Variants in MAP3K5 observed in about 807,000 individuals in gnomAD.
The protein encoded by MAP3K5 is mitogen-activated protein kinase kinase kinase 5, also known as ASK-1.
In MAP3K5, 56 loss-of-function variants were observed where a neutral mutation model predicts 158.7. The ratio of observed to expected loss-of-function variants is 0.35; its 90% CI spans 0.28 to 0.44. The LOEUF is 0.44. Among genes scored for constraint, MAP3K5 ranks in the 20% least tolerant of loss-of-function variants. The probability of loss-of-function intolerance (pLI) is 1.00; values close to 1 mark genes in which losing one functional copy is unlikely to be tolerated. For missense variants in MAP3K5, 1,294 were observed against 1,674.8 expected (o/e 0.77, Z 3.97); for synonymous variants, 579 against 601.7 (o/e 0.96, Z 0.55).
chr6:136,698,738 A>G (rs772773623), intron 3 of MAP3K5, 56 bp from the exon 4 acceptor site: 3 of 1,205,994 alleles, frequency 2.5e-6, no homozygotes, highest in Non-Finnish European at 3.6e-6. Flanking sequence ...CACGGCACAG[A>G]TGGAATCCCA....
intron 1 of MAP3K5, among the ~76,000 whole-genome samples, chr6:136,775,201 T>C (rs1265270307): frequency 2.6e-5 from 4 of 152,164 alleles, no homozygotes; most frequent in Non-Finnish European, 5.9e-5. Flanking sequence ...AGAAAAAGAA[T>C]GCTAAGGTCA....
chr6:136,659,248 T>C lies in MAP3K5; in HGVS notation c.1497A>G (p.Glu499=), dbSNP rs74382461. The C allele has an allele frequency of 2.4e-4, 381 of 1,614,180 alleles. 1 individual carries two copies. In the African/African-American group the frequency reaches 4.4e-3, roughly 18 times the overall value. Residue 499 remains glutamate, a synonymous_variant, in exon 9 of 30, where the codon GAA becomes GAG. Transcript: ENST00000359015. ...NDHMRVIQAS[E]KLFKLKTPAW... Reference sequence around the variant, plus strand: ...CTGGTGTCTTCAGTTTAAAAAGCTTTTCAGATGCTTGAATGACTCTCATGT... The same window carrying C: ...CTGGTGTCTTCAGTTTAAAAAGCTTCTCAGATGCTTGAATGACTCTCATGT...
chr6:136,738,831 C>T (rs1015526131), intron 1 of MAP3K5, among the ~76,000 whole-genome samples: 2 of 152,112 alleles, frequency 1.3e-5, no homozygotes, highest in African/African-American at 2.4e-5. Context: ...AAAGCAGGGA[C>T]CGGTTCAGTC....
intron 19 of MAP3K5, among the ~76,000 whole-genome samples, chr6:136,603,283 C>T (rs1562538696): frequency 6.6e-6 from 1 of 151,638 alleles, no homozygotes; most frequent in African/African-American, 2.4e-5. Context: ...AGTGATTCTC[C>T]TGCCTCAGCC....
chr6:136,751,600 G>C (rs1254118303), intron 1 of MAP3K5, among the ~76,000 whole-genome samples: 1 of 152,158 alleles, frequency 6.6e-6, no homozygotes, highest in Admixed American at 6.5e-5. Context: ...TCAACAATCA[G>C]GCAGTAATGT....
At chr6:136,668,121 A>G (rs1779308345) in intron 8 of MAP3K5, among the ~76,000 whole-genome samples, 1 of 151,888 alleles carries the variant, frequency 6.6e-6, no homozygotes, top group African/African-American at 2.4e-5. Flanking sequence ...GGTGGCTCAC[A>G]CCTGTAATAC....
intron 25 of MAP3K5, among the ~76,000 whole-genome samples, chr6:136,579,398 C>G (rs1438732189): frequency 6.6e-6 from 1 of 152,200 alleles, no homozygotes; most frequent in Non-Finnish European, 1.5e-5. Flanking sequence ...TTGTATCTCA[C>G]TGCCAACATA....
chr6:136,671,225 G>A (rs951595525), intron 7 of MAP3K5, among the ~76,000 whole-genome samples: 11 of 152,152 alleles, frequency 7.2e-5, no homozygotes, highest in Admixed American at 2.6e-4. Context: ...AAGACATATC[G>A]AAATGAATCA....
At chr6:136,772,411 GA>G (rs1784243712) in intron 1 of MAP3K5, among the ~76,000 whole-genome samples, 1 of 152,090 alleles carries the variant, frequency 6.6e-6, no homozygotes, top group African/African-American at 2.4e-5. Context: ...TCTGTATACA[GA>G]TAAGGCAGAA....
chr6:136,678,296 T>G lies in MAP3K5; in HGVS notation c.1254-8901A>C, dbSNP rs139934374. ...TACAACAGAAACAGATGCTGATATA[T>G]TCTAAGAAAAAAATGGTATTTTTCA... On this transcript the variant is annotated intron_variant, in intron 7 of 29. Transcript: ENST00000359015. 6.3e-4 allele frequency among the ~76,000 whole-genome samples: 96 copies of G among 152,270 alleles called. No homozygotes were observed. The East Asian group carries it at 0.01, about 16-fold the overall frequency.
intron 1 of MAP3K5, among the ~76,000 whole-genome samples, chr6:136,728,807 T>C (rs1374345339): frequency 1.3e-5 from 2 of 152,178 alleles, no homozygotes; most frequent in Non-Finnish European, 1.5e-5. Context: ...CTTTCTGTTG[T>C]TGTTGTTAAT....
At chr6:136,678,757 G>A (rs1484509043) in intron 7 of MAP3K5, among the ~76,000 whole-genome samples, 2 of 150,174 alleles carry the variant, frequency 1.3e-5, no homozygotes, top group Non-Finnish European at 3.0e-5. Context: ...ATGGAGTCTC[G>A]CTCTGTCGTC....
At chr6:136,729,905 C>T (rs1046432493) in intron 1 of MAP3K5, among the ~76,000 whole-genome samples, 1 of 152,206 alleles carries the variant, frequency 6.6e-6, no homozygotes, top group African/African-American at 2.4e-5. Context: ...GAATTAAAGA[C>T]GTTTCTGCTT....
chr6:136,772,156 A>G (rs1218800246), intron 1 of MAP3K5, among the ~76,000 whole-genome samples: 1 of 148,988 alleles, frequency 6.7e-6, no homozygotes, highest in East Asian at 2.0e-4. Context: ...ACCTCAGGTG[A>G]TCTGCGCCCC....
intron 2 of MAP3K5, among the ~76,000 whole-genome samples, chr6:136,707,789 A>T (rs1324589495): frequency 3.3e-5 from 5 of 152,234 alleles, no homozygotes; most frequent in Non-Finnish European, 5.9e-5. Flanking sequence ...GTACTAGTAA[A>T]GGCTGAGAAC....
chr6:136,593,714 CAAAAAA>C (rs760563651), intron 21 of MAP3K5: 73 of 242,652 alleles, frequency 3.0e-4, no homozygotes, highest in Admixed American at 3.9e-4. Flanking sequence ...GACAGATATG[CAAAAAA>C]AAAAAAAAAA....
rs1030573143 is a variant in MAP3K5 at position 136,651,957 on chromosome 6, T to C, written c.1681-866A>G. On this transcript the variant is annotated intron_variant, in intron 10 of 29. Coordinates refer to ENST00000359015, the MANE Select transcript of MAP3K5 (RefSeq NM_005923.4). Reference sequence around the variant, plus strand: ...CCCAAATTTCCTAGGCAGACTTCACTAGGAATGTTTAAAAAAAGAAAAGTC... The same window carrying C: ...CCCAAATTTCCTAGGCAGACTTCACCAGGAATGTTTAAAAAAAGAAAAGTC... Among the ~76,000 whole-genome samples, 5 of 152,130 alleles carry C rather than the reference T, an allele frequency of 3.3e-5. No individual in the cohort carries two copies. In the East Asian group the frequency reaches 9.7e-4, roughly 29 times the overall value.
At chr6:136,614,819 C>G (rs777464353) in intron 15 of MAP3K5, among the ~76,000 whole-genome samples, 7 of 152,170 alleles carry the variant, frequency 4.6e-5, no homozygotes, top group Non-Finnish European at 4.4e-5. Flanking sequence ...CCAGAACTTC[C>G]TGAAAGGCCC....
At position 136,557,764 on chromosome 6, in the gene MAP3K5, C is replaced by T. The variant is rs779923697; in HGVS notation, c.4119G>A (p.Gln1373=). 4.3e-6 allele frequency: 7 copies of T among 1,610,422 alleles called. No homozygotes were observed. The highest frequency in any genetic ancestry group is 5.9e-6 in the Non-Finnish European group (7 of 1,176,684). The change falls in exon 30 of 30, where the codon CAG becomes CAA. Residue 1373 remains glutamine (Q), a synonymous_variant. Coordinates refer to ENST00000359015, the MANE Select transcript of MAP3K5 (RefSeq NM_005923.4). ...WKAIIDFRNK[Q]T ...AGATTAGATTGAGCAACAGTCAAGT[C>T]TGTTTGTTTCGAAAGTCAATGATAG...
Sources: gnomAD v4.1 joint callset for allele counts (sites outside exome capture counted in the v4.1 genomes callset) on GRCh38, gnomAD v4.1.1 for gene constraint, MANE v1.5 for transcripts, NCBI Gene and HGNC (gene_info 2026-07-23, HGNC 2026-07-21) for gene names.